The following ZNF808 variants were observed in gnomAD, a reference collection of about 807,000 sequenced individuals.
ZNF808 encodes zinc finger protein 808.
In ZNF808, 5 loss-of-function variants were observed where a neutral mutation model predicts 8.7. That is an observed-to-expected ratio of 0.58 (90% confidence interval 0.30 to 1.21). The LOEUF (loss-of-function observed/expected upper bound fraction) is 1.21, where lower values mean the gene tolerates loss of function less well. ZNF808 is among the 50% of genes most tolerant of loss of function. The pLI, the probability that ZNF808 is intolerant of heterozygous loss-of-function variation, is 0.07. For missense variants in ZNF808, 1,103 were observed against 1,098.4 expected (o/e 1.00, Z -0.06); for synonymous variants, 380 against 366.0 (o/e 1.04, Z -0.44).
At chr19:52,565,398 C>T (rs1291107319), downstream of ZNF808, among the ~76,000 whole-genome samples, 1 of 152,156 alleles carries the variant, frequency 6.6e-6, no homozygotes, top group Admixed American at 6.6e-5. Context: ...TTAGACAAAC[C>T]TGCCTCCCAT....
At chr19:52,538,033 A>G (rs977865309) in intron 2 of ZNF808, among the ~76,000 whole-genome samples, 3 of 151,950 alleles carry the variant, frequency 2.0e-5, no homozygotes, top group African/African-American at 7.3e-5. Context: ...ATATTTTGAG[A>G]TAGGGTCTGG....
At chr19:52,563,268 TATC>T (rs1348909872) in intron 3 of ZNF808, 14 of 152,304 alleles carry the variant, frequency 9.2e-5, no homozygotes, top group South Asian at 8.3e-4. Flanking sequence ...TTGCTAGTCT[TATC>T]ATGGGTTACA....
chr19:52,554,394 G>T lies in ZNF808; in HGVS notation c.1478G>T (p.Ser493Ile). 1 of 1,613,926 alleles carries T rather than the reference G, an allele frequency of 6.2e-7. No individual in the cohort carries two copies. The highest frequency in any genetic ancestry group is 8.5e-7 in the Non-Finnish European group (1 of 1,179,974). Reference sequence around the variant, plus strand: ...TGTAATGAGTGTCGCAAGACCTTCAGCCGCAGGTCATCCCTTCTATGCCAT... The same window carrying T: ...TGTAATGAGTGTCGCAAGACCTTCATCCGCAGGTCATCCCTTCTATGCCAT... ...YKCNECRKTF[S>I]RRSSLLCHRR... is the part of the protein sequence containing the mutation. The change falls in exon 5 of 5, where the codon AGC becomes ATC. Residue 493 changes from serine to isoleucine, a missense_variant. Ser to Ile is a moderately radical substitution (Grantham distance 142). Coordinates refer to ENST00000359798, the MANE Select transcript of ZNF808 (RefSeq NM_001039886.4).
Position 52,553,411 on chromosome 19 carries a change from T to G in ZNF808, c.495T>G (p.Pro165=). ...QLGSSFYSHL[P]ELHIFQIKGE... is the part of the protein sequence containing the mutation. Reference sequence around the variant, plus strand: ...GATCAAGCTTTTATTCACATCTGCCTGAACTCCACATATTTCAGATCAAAG... The same window carrying G: ...GATCAAGCTTTTATTCACATCTGCCGGAACTCCACATATTTCAGATCAAAG... The change falls in exon 5 of 5, where the codon CCT becomes CCG. Residue 165 remains proline, a synonymous_variant. Transcript: ENST00000359798. 1 of 1,614,194 alleles carries G rather than the reference T, an allele frequency of 6.2e-7. No homozygotes were observed. The highest frequency in any genetic ancestry group is 8.5e-7 in the Non-Finnish European group (1 of 1,180,034).
At chr19:52,536,998 C>T (rs529247671) in intron 2 of ZNF808, among the ~76,000 whole-genome samples, 2 of 131,984 alleles carry the variant, frequency 1.5e-5, no homozygotes, top group South Asian at 4.8e-4. Flanking sequence ...ACCAGCCTGA[C>T]CAACATGGAG....
At chr19:52,564,680 G>T (rs1010759665), downstream of ZNF808, among the ~76,000 whole-genome samples, 1 of 152,132 alleles carries the variant, frequency 6.6e-6, no homozygotes, top group African/African-American at 2.4e-5. Flanking sequence ...GCAGCTGGGA[G>T]TGATGGCTCA....
intron 2 of ZNF808, among the ~76,000 whole-genome samples, chr19:52,533,843 CAAAAAAAAA>C (rs919374020): frequency 6.5e-5 from 2 of 30,774 alleles, no homozygotes; most frequent in South Asian, 1.6e-3. Flanking sequence ...ACTCCGTCTC[CAAAAAAAAA>C]AAAAAAAAAA....
chr19:52,567,579 C>T (rs1385554657), downstream of ZNF808, among the ~76,000 whole-genome samples: 8 of 150,530 alleles, frequency 5.3e-5, no homozygotes, highest in Non-Finnish European at 4.4e-5. Flanking sequence ...GGCTGGAGTA[C>T]AATGTCATGA....
intron 2 of ZNF808, 46 bp from the exon 3 acceptor site, chr19:52,543,220 G>A: frequency 6.3e-7 from 1 of 1,595,086 alleles, no homozygotes; most frequent in South Asian, 1.1e-5. Context: ...CACAGGAAGG[G>A]AGTGAGTCAT....
chr19:52,553,467 C>T lies in ZNF808; in HGVS notation c.551C>T (p.Thr184Ile). The change falls in exon 5 of 5, where the codon ACC (threonine) becomes ATC (isoleucine). Residue 184 changes from threonine to isoleucine, a missense_variant. Transcript: ENST00000359798. Reference protein sequence around the residue: ...GEIANQLEKSTSDASSVSTSQ... With the variant: ...GEIANQLEKSISDASSVSTSQ... ...ATTGCTAATCAACTTGAGAAGTCTA[C>T]CAGTGATGCTTCCTCAGTTTCAACA... 1 of 1,614,170 alleles carries T rather than the reference C, an allele frequency of 6.2e-7. No homozygotes were observed. Among genetic ancestry groups the T allele is most frequent in the South Asian group, 1.1e-5 (1 of 91,084 alleles).
In ZNF808 at chr19:52,547,654, C is replaced by T. The variant is rs754403216; in HGVS notation, c.190+16C>T. On this transcript the variant is annotated intron_variant, in intron 4 of 4. Transcript: ENST00000359798. ...GAGGCTGTGGGTGAGGAAAATGTCCCTGCAGACATGAGGAGTCTGCTCCTG... is the reference window on the plus strand; with the variant it reads ...GAGGCTGTGGGTGAGGAAAATGTCCTTGCAGACATGAGGAGTCTGCTCCTG... 5.0e-6 allele frequency: 8 copies of T among 1,613,220 alleles called. No homozygotes were observed. Among genetic ancestry groups the T allele is most frequent in the South Asian group, 2.2e-5 (2 of 91,050 alleles).
At chr19:52,543,120 G>A (rs1163352770) in intron 2 of ZNF808, 146 bp from the exon 3 acceptor site, 7 of 777,504 alleles carry the variant, frequency 9.0e-6, no homozygotes, top group Non-Finnish European at 1.4e-5. Flanking sequence ...CTTCCTGTGG[G>A]ACTTTCTTAC....
chr19:52,544,143 A>G (rs943782972), intron 3 of ZNF808, among the ~76,000 whole-genome samples: 1 of 152,104 alleles, frequency 6.6e-6, no homozygotes, highest in Non-Finnish European at 1.5e-5. Flanking sequence ...TGGGAGATGG[A>G]GCGAGACTCT....
chr19:52,549,685 C>A (rs1200626878), intron 4 of ZNF808, among the ~76,000 whole-genome samples: 1 of 151,920 alleles, frequency 6.6e-6, no homozygotes, highest in Admixed American at 6.6e-5. Flanking sequence ...ATGCCCATTA[C>A]TTCCTGCTCT....
chr19:52,540,387 C>G (rs2059659239), intron 2 of ZNF808, among the ~76,000 whole-genome samples: 1 of 152,074 alleles, frequency 6.6e-6, no homozygotes, highest in South Asian at 2.1e-4. Context: ...TATTTTTTAA[C>G]CATTTTAAAA....
chr19:52,545,418 A>C (rs975893753), intron 3 of ZNF808, among the ~76,000 whole-genome samples: 1 of 152,020 alleles, frequency 6.6e-6, no homozygotes, highest in African/African-American at 2.4e-5. Flanking sequence ...AATAAGTTTT[A>C]TTTTTTATAA....
At position 52,553,953 on chromosome 19, in the gene ZNF808, A is replaced by C; in HGVS notation, c.1037A>C (p.Asn346Thr). The C allele has an allele frequency of 6.2e-7, 1 of 1,614,174 alleles. No homozygotes were observed. The highest frequency in any genetic ancestry group is 1.3e-5 in the African/African-American group (1 of 75,056). The change falls in exon 5 of 5, where the codon AAT becomes ACT. Residue 346 changes from asparagine to threonine, a missense_variant. Transcript: ENST00000359798. ...ACTGGAGAGAAACCTTACAAGTGTA[A>C]TGAATGTGGCAAGGCTTTTAATCAA... ...IHTGEKPYKC[N>T]ECGKAFNQQS...
intron 2 of ZNF808, among the ~76,000 whole-genome samples, chr19:52,534,746 G>T (rs2059589503): frequency 6.6e-6 from 1 of 151,852 alleles, no homozygotes. Flanking sequence ...AAAGTTAGCT[G>T]GGCATGGTCG....
chr19:52,551,689 GAC>G (rs1421586068), intron 4 of ZNF808, among the ~76,000 whole-genome samples: 1 of 152,044 alleles, frequency 6.6e-6, no homozygotes, highest in East Asian at 1.9e-4. Context: ...CAATATAACT[GAC>G]ACACTGCACT....
Sources: allele counts gnomAD v4.1 joint callset (sites outside exome capture counted in the v4.1 genomes callset), GRCh38; gene constraint gnomAD v4.1.1; transcripts MANE v1.5; gene names NCBI Gene and HGNC (gene_info 2026-07-23, HGNC 2026-07-21).